PRKD3: variants seen among roughly 807,000 people sequenced by gnomAD.
The protein encoded by PRKD3 is serine/threonine-protein kinase D3.
A neutral mutation model predicts 99.2 loss-of-function variants in PRKD3; 47 were observed. The observed-to-expected ratio is 0.47, with a 90% CI of 0.38 to 0.60. The LOEUF (loss-of-function observed/expected upper bound fraction) is 0.60. PRKD3 is among the 20% of genes least tolerant of loss of function. PRKD3 has a pLI of 0.00. For synonymous variants in PRKD3, 392 were observed against 355.4 expected, an observed-to-expected ratio of 1.10 and a Z score of -1.16; for missense variants, 1,019 against 1,088.4, an observed-to-expected ratio of 0.94 and a Z score of 0.90.
At chr2:37,291,125 T>C (rs1670401746) in intron 3 of PRKD3, 126 bp from the exon 4 acceptor site, 1 of 806,372 alleles carries the variant, frequency 1.2e-6, no homozygotes, top group Non-Finnish European at 1.8e-6. Context: ...CACTGGACCA[T>C]AAAAGTAAAT....
intron 1 of PRKD3, among the ~76,000 whole-genome samples, chr2:37,319,908 C>T (rs530631865): frequency 3.9e-5 from 6 of 152,152 alleles, no homozygotes; most frequent in Non-Finnish European, 5.9e-5. Context: ...AGAGGGTAGA[C>T]GAAAAATGAA....
intron 2 of PRKD3, among the ~76,000 whole-genome samples, chr2:37,313,585 C>A (rs939187916): frequency 6.6e-6 from 1 of 151,996 alleles, no homozygotes; most frequent in Non-Finnish European, 1.5e-5. Context: ...TACATGCAAG[C>A]TAAAAAAATC....
At chr2:37,284,850 G>A (rs1342218809) in intron 6 of PRKD3, among the ~76,000 whole-genome samples, 1 of 151,986 alleles carries the variant, frequency 6.6e-6, no homozygotes, top group Non-Finnish European at 1.5e-5. Flanking sequence ...GTGCAGGTTA[G>A]TTACATATGT....
At chr2:37,305,541 T>C (rs13392784) in intron 2 of PRKD3, among the ~76,000 whole-genome samples, 10,355 of 152,272 alleles carry the variant, frequency 0.068, 392 homozygotes, top group Middle Eastern at 0.088. Flanking sequence ...GGTGGAGAAG[T>C]GCTATTGAGT....
chr2:37,273,993 G>A (rs1267742401), intron 11 of PRKD3, among the ~76,000 whole-genome samples: 1 of 152,186 alleles, frequency 6.6e-6, no homozygotes, highest in Non-Finnish European at 1.5e-5. Flanking sequence ...TTTATTGCCT[G>A]TTTATATCCC....
intron 12 of PRKD3, among the ~76,000 whole-genome samples, chr2:37,270,142 G>A (rs1324917328): frequency 3.3e-5 from 5 of 151,876 alleles, no homozygotes; most frequent in African/African-American, 7.3e-5. Context: ...CAGGAGAATC[G>A]CTTGAACCCA....
rs781553640 is a variant in PRKD3 at position 37,291,045 on chromosome 2, G to A, written c.428-46C>T. 52 of 1,520,272 alleles carry A rather than the reference G, an allele frequency of 3.4e-5. 2 individuals are homozygous for A. In the Middle Eastern group the frequency reaches 2.3e-3, roughly 67 times the overall value. 94.2% of individuals were successfully genotyped at this position (1,520,272 alleles called of 1,614,324 possible). A position where few individuals can be genotyped will look rare whatever the true frequency, so the allele number is the denominator to read the frequency against. ...ACAATACACGTTGTATTTGTACTGC[G>A]ATGAGATTAAGAATGCTCACACATT... On this transcript the variant is annotated intron_variant, in intron 3 of 18. Transcript: ENST00000234179.
At chr2:37,254,093 TAAG>T in intron 18 of PRKD3, 108 bp downstream of exon 18, 2 of 774,766 alleles carry the variant, frequency 2.6e-6, no homozygotes, top group African/African-American at 1.7e-5. Context: ...ATTAATCACT[TAAG>T]AGCACTTTTA....
At chr2:37,324,336 G>T in intron 1 of PRKD3, 2 of 528,974 alleles carry the variant, frequency 3.8e-6, no homozygotes, top group Non-Finnish European at 4.8e-6. Flanking sequence ...GATGGGCCGG[G>T]CGCGGTGGTC....
intron 2 of PRKD3, among the ~76,000 whole-genome samples, chr2:37,296,884 A>G (rs1670698949): frequency 6.9e-6 from 1 of 144,428 alleles, no homozygotes; most frequent in Non-Finnish European, 1.5e-5. Flanking sequence ...TGGGCGACAA[A>G]GCGTGACTCT....
chr2:37,257,347 C>G (rs1668033166), intron 16 of PRKD3, among the ~76,000 whole-genome samples: 1 of 152,082 alleles, frequency 6.6e-6, no homozygotes, highest in African/African-American at 2.4e-5. Flanking sequence ...CATAAAGGTA[C>G]TCAATGTTTG....
chr2:37,305,041 G>A (rs976781568), intron 2 of PRKD3, among the ~76,000 whole-genome samples: 5 of 152,010 alleles, frequency 3.3e-5, no homozygotes, highest in African/African-American at 1.2e-4. Flanking sequence ...AAAAAGTAGG[G>A]GTAGAATAAA....
At chr2:37,320,010 G>T (rs1374168419) in intron 1 of PRKD3, among the ~76,000 whole-genome samples, 1 of 152,202 alleles carries the variant, frequency 6.6e-6, no homozygotes. Flanking sequence ...AACAGTAAGT[G>T]CTCAGTAAGT....
chr2:37,316,482 A>G lies in PRKD3; in HGVS notation c.43T>C (p.Leu15=). The G allele has an allele frequency of 6.2e-7, 1 of 1,614,252 alleles. No individual in the cohort carries two copies. The part of the protein sequence containing the change: ...NSPPSAQKSV[L]PTAIPAVLPA... ...AGCACAGCAGGAATAGCTGTGGGTA[A>G]TACAGACTTCTGGGCTGATGGAGGG... Residue 15 remains leucine, a synonymous_variant, in exon 2 of 19, where the codon TTA becomes CTA. Coordinates refer to ENST00000234179, the MANE Select transcript of PRKD3 (RefSeq NM_005813.6).
intron 1 of PRKD3, among the ~76,000 whole-genome samples, chr2:37,319,795 G>A (rs757032672): frequency 2.0e-5 from 3 of 151,898 alleles, no homozygotes; most frequent in Non-Finnish European, 4.4e-5. Flanking sequence ...TAAAAATAAT[G>A]TCATGTGATA....
chr2:37,293,719 A>C (rs992781462), intron 2 of PRKD3, among the ~76,000 whole-genome samples: 1 of 152,230 alleles, frequency 6.6e-6, no homozygotes, highest in African/African-American at 2.4e-5. Flanking sequence ...ATCCTTTAAT[A>C]AATGACACCA....
At position 37,316,688 on chromosome 2, in the gene PRKD3, A is replaced by G. The variant is rs1671678837; in HGVS notation, c.-164T>C. ...ACTCATGCCGATACTTTTAAGTTTT[A>G]TCAAGGAGTTGAATGCCCCAAAGGT... On this transcript the variant is annotated 5_prime_UTR_variant, in exon 2 of 19. Transcript: ENST00000234179. 3 of 1,432,372 alleles carry G rather than the reference A, an allele frequency of 2.1e-6. No individual in the cohort carries two copies. The Admixed American group carries it at 8.8e-5, about 42-fold the overall frequency. The allele number at this position is 1,432,372 out of a possible 1,614,324, so 88.7% of individuals were successfully genotyped here. A position where few individuals can be genotyped will look rare whatever the true frequency, so the allele number is the denominator to read the frequency against.
intron 4 of PRKD3, among the ~76,000 whole-genome samples, chr2:37,290,139 AAGACTGTTTCTTCAT>A (rs1478427428): frequency 6.6e-6 from 1 of 152,178 alleles, no homozygotes; most frequent in Non-Finnish European, 1.5e-5. Flanking sequence ...TCCACCTTAG[AAGACTGTTTCTTCAT>A]CAGAAATGTG....
At chr2:37,285,313 A>G (rs181399919) in intron 6 of PRKD3, among the ~76,000 whole-genome samples, 155 of 152,350 alleles carry the variant, frequency 1.0e-3, no homozygotes, top group Non-Finnish European at 1.8e-3. Context: ...AAAGCATTAT[A>G]TAACTATAAG....
Sources: gnomAD v4.1 joint callset for allele counts (sites outside exome capture counted in the v4.1 genomes callset) on GRCh38, gnomAD v4.1.1 for gene constraint, MANE v1.5 for transcripts, NCBI Gene and HGNC (gene_info 2026-07-23, HGNC 2026-07-21) for gene names.